SLC38A6: variants seen among roughly 807,000 people sequenced by gnomAD.
SLC38A6 encodes solute carrier family 38 member 6.
Under a neutral mutation model 65.0 loss-of-function variants are expected in SLC38A6, and 73 were observed. That is an observed-to-expected ratio of 1.12 (90% CI 0.93 to 1.37). SLC38A6 has a LOEUF of 1.37. Among genes scored for constraint, SLC38A6 ranks in the 40% most tolerant of loss-of-function variants. The pLI is 0.00. For missense variants in SLC38A6, 561 were observed against 531.1 expected (o/e 1.06, Z -0.55); for synonymous variants, 183 against 178.8 (o/e 1.02, Z -0.19).
At chr14:61,005,380 G>A (rs2039017778) in intron 3 of SLC38A6, among the ~76,000 whole-genome samples, 1 of 92,366 alleles carries the variant, frequency 1.1e-5, no homozygotes, top group Non-Finnish European at 2.9e-5. Flanking sequence ...TAGGAAAAGA[G>A]GAAGTCAAAT....
intron 15 of SLC38A6, among the ~76,000 whole-genome samples, chr14:61,066,418 T>G (rs1442317535): frequency 1.3e-5 from 2 of 152,162 alleles, no homozygotes; most frequent in Non-Finnish European, 2.9e-5. Context: ...GGAAGACTCA[T>G]CTTGGCTGAT....
intron 3 of SLC38A6, among the ~76,000 whole-genome samples, chr14:60,996,231 A>G (rs1201016565): frequency 6.6e-6 from 1 of 152,222 alleles, no homozygotes; most frequent in Non-Finnish European, 1.5e-5. Context: ...AAACAGACTC[A>G]GAGGAAAAGA....
chr14:61,066,500 T>G (rs2043022062), intron 15 of SLC38A6, among the ~76,000 whole-genome samples: 1 of 151,540 alleles, frequency 6.6e-6, no homozygotes, highest in Admixed American at 6.6e-5. Flanking sequence ...AAAGGAAAAT[T>G]GAGTTGCCAG....
chr14:61,050,984 A>G (rs1483398746), intron 13 of SLC38A6, among the ~76,000 whole-genome samples: 6 of 152,208 alleles, frequency 3.9e-5, no homozygotes, highest in African/African-American at 1.4e-4. Context: ...GAAAAAGTCA[A>G]GTCAGGAAAA....
intron 12 of SLC38A6, 106 bp downstream of exon 12, chr14:61,046,273 C>T (rs1178658121): frequency 1.4e-6 from 1 of 694,090 alleles, no homozygotes; most frequent in African/African-American, 1.8e-5. Context: ...TTAATTTGCT[C>T]AGATCACCAA....
At chr14:61,039,186 T>C (rs1283735496) in intron 8 of SLC38A6, among the ~76,000 whole-genome samples, 1 of 152,180 alleles carries the variant, frequency 6.6e-6, no homozygotes, top group Non-Finnish European at 1.5e-5. Flanking sequence ...TTTAATTCAA[T>C]GCAGATTTCT....
intron 7 of SLC38A6, 150 bp from the exon 8 acceptor site, chr14:61,037,475 G>C: frequency 1.6e-6 from 1 of 619,526 alleles, no homozygotes; most frequent in Non-Finnish European, 2.8e-6. Context: ...TAAATGATCT[G>C]TGACAGATAG....
At chr14:61,019,181 C>T (rs1259705730) in intron 4 of SLC38A6, among the ~76,000 whole-genome samples, 5 of 152,130 alleles carry the variant, frequency 3.3e-5, no homozygotes, top group South Asian at 2.1e-4. Flanking sequence ...TCTTTTTCTA[C>T]TTATTTAAGC....
chr14:61,048,235 A>G (rs911890781), intron 12 of SLC38A6: 3 of 421,170 alleles, frequency 7.1e-6, no homozygotes, highest in South Asian at 5.2e-5. Context: ...AAGGCTTCCA[A>G]TTCATTTTAC....
downstream of SLC38A6, among the ~76,000 whole-genome samples, chr14:61,054,730 A>G (rs924152968): frequency 6.6e-6 from 1 of 152,054 alleles, no homozygotes; most frequent in African/African-American, 2.4e-5. Flanking sequence ...TATATCCTGA[A>G]ACTTTGCTGA....
At chr14:61,031,427 T>G (rs1368281605) in intron 6 of SLC38A6, among the ~76,000 whole-genome samples, 4 of 152,148 alleles carry the variant, frequency 2.6e-5, no homozygotes, top group Non-Finnish European at 5.9e-5. Flanking sequence ...GAATTCTACT[T>G]AGACAACTGC....
At chr14:61,075,829 G>A (rs1005411194) in intron 15 of SLC38A6, among the ~76,000 whole-genome samples, 18 of 113,502 alleles carry the variant, frequency 1.6e-4, no homozygotes, top group South Asian at 2.9e-4. Context: ...GTGTGTGTGT[G>A]TGTATGTATT....
At chr14:61,020,167 G>T (rs1345713032) in intron 5 of SLC38A6, among the ~76,000 whole-genome samples, 2 of 152,084 alleles carry the variant, frequency 1.3e-5, no homozygotes, top group Non-Finnish European at 2.9e-5. Flanking sequence ...GTTAATTATA[G>T]ACAGTTACTG....
intron 5 of SLC38A6, among the ~76,000 whole-genome samples, chr14:61,025,311 CATTTT>C (rs1214147217): frequency 6.6e-6 from 1 of 152,090 alleles, no homozygotes; most frequent in African/African-American, 2.4e-5. Flanking sequence ...TTCATTCATG[CATTTT>C]ATTTATTTAC....
In SLC38A6 at chr14:61,050,513, CAA is replaced by C. The variant is rs1352457883; in HGVS notation, c.929_930del (p.Lys310SerfsTer10). 3 of 1,507,828 alleles carry C rather than the reference CAA, an allele frequency of 2.0e-6. No individual in the cohort carries two copies. Among genetic ancestry groups the C allele is most frequent in the Non-Finnish European group, 2.7e-6 (3 of 1,102,276 alleles). 93.4% of individuals were successfully genotyped at this position (1,507,828 alleles called of 1,614,324 possible). A position where few individuals can be genotyped will look rare whatever the true frequency, so the allele number is the denominator to read the frequency against. The part of the protein sequence containing the change: ...ALFGYLTFYD[K>X]VESELLKGYS... ...TGATCCTTATTATTTTATTTACAGA[CAA>C]AGTGGAGTCAGAATTACTAAAAGGT... On this transcript the variant is annotated frameshift_variant and splice_region_variant, in exon 13 of 16. Coordinates refer to ENST00000267488, the MANE Select transcript of SLC38A6 (RefSeq NM_153811.3). LOFTEE classifies it high-confidence loss of function.
intron 3 of SLC38A6, among the ~76,000 whole-genome samples, chr14:60,998,761 C>T (rs2038474060): frequency 6.6e-6 from 1 of 152,104 alleles, no homozygotes; most frequent in Non-Finnish European, 1.5e-5. Context: ...AAGCGCTCTC[C>T]CCGCCCCCTA....
chr14:60,991,232 A>T (rs1233986527), intron 3 of SLC38A6, among the ~76,000 whole-genome samples: 2 of 152,096 alleles, frequency 1.3e-5, no homozygotes, highest in Admixed American at 6.5e-5. Flanking sequence ...ACAAAGTCCA[A>T]CACAAGTCTT....
intron 5 of SLC38A6, among the ~76,000 whole-genome samples, chr14:61,025,006 C>T (rs1256410742): frequency 2.0e-5 from 3 of 152,152 alleles, no homozygotes; most frequent in Admixed American, 1.3e-4. Context: ...ATCATTACTA[C>T]GTTTTGTGAA....
At chr14:61,025,696 C>G (rs1186634602) in intron 5 of SLC38A6, among the ~76,000 whole-genome samples, 1 of 151,988 alleles carries the variant, frequency 6.6e-6, no homozygotes. Context: ...AATGATAAGA[C>G]AAAGATATAC....
Sources: gnomAD v4.1 joint callset for allele counts (sites outside exome capture counted in the v4.1 genomes callset) on GRCh38, gnomAD v4.1.1 for gene constraint, MANE v1.5 for transcripts, NCBI Gene and HGNC (gene_info 2026-07-23, HGNC 2026-07-21) for gene names.